Variants in CA13 observed in about 807,000 individuals in gnomAD.
CA13 encodes carbonic anhydrase 13, also known as CA-XIII.
In CA13, 21 loss-of-function variants were observed where a neutral mutation model predicts 31.5. The observed-to-expected ratio is 0.67, with a 90% CI of 0.47 to 0.96. The LOEUF is 0.96. CA13 is among the 40% of genes least tolerant of loss of function. The pLI, the probability that CA13 is intolerant of heterozygous loss-of-function variation, is 0.00. For synonymous variants in CA13, 117 were observed against 111.4 expected (o/e 1.05, Z -0.32); for missense variants, 315 against 318.9 (o/e 0.99, Z 0.09).
At chr8:85,247,461 G>T (rs747406996) in intron 1 of CA13, among the ~76,000 whole-genome samples, 1 of 152,160 alleles carries the variant, frequency 6.6e-6, no homozygotes, top group Non-Finnish European at 1.5e-5. Flanking sequence ...TCTTTTAGAT[G>T]CGATCTCTCT....
intron 6 of CA13, among the ~76,000 whole-genome samples, chr8:85,273,624 C>T (rs1167424593): frequency 6.6e-6 from 1 of 151,916 alleles, no homozygotes; most frequent in African/African-American, 2.4e-5. Context: ...ACACATACCC[C>T]CTGAAGACCG....
intron 2 of CA13, among the ~76,000 whole-genome samples, chr8:85,257,670 A>G (rs1264569775): frequency 1.3e-5 from 2 of 150,586 alleles, no homozygotes; most frequent in Non-Finnish European, 3.0e-5. Flanking sequence ...TTTGAGCCCC[A>G]CTGTACTCCA....
chr8:85,280,851 C>T (rs553014039), intron 6 of CA13, among the ~76,000 whole-genome samples: 1 of 152,190 alleles, frequency 6.6e-6, no homozygotes, highest in South Asian at 2.1e-4. Flanking sequence ...AATTAGGTTT[C>T]AAAACAGCAT....
At chr8:85,278,980 A>T (rs1259576653) in intron 6 of CA13, among the ~76,000 whole-genome samples, 1 of 152,236 alleles carries the variant, frequency 6.6e-6, no homozygotes, top group East Asian at 1.9e-4. Flanking sequence ...CTAGTCCATT[A>T]TGTTCCATAA....
intron 6 of CA13, among the ~76,000 whole-genome samples, chr8:85,274,362 CAG>C (rs1321002609): frequency 2.6e-5 from 4 of 152,208 alleles, no homozygotes; most frequent in African/African-American, 4.8e-5. Flanking sequence ...TGGGATAACA[CAG>C]GGGAGAAACA....
chr8:85,267,162 C>A, intron 4 of CA13: 2 of 718,396 alleles, frequency 2.8e-6, no homozygotes, highest in Non-Finnish European at 3.4e-6. Context: ...TTATTGTCAT[C>A]ATACCTGGGA....
chr8:85,257,925 C>A (rs1289350706), intron 2 of CA13, among the ~76,000 whole-genome samples: 2 of 148,096 alleles, frequency 1.4e-5, no homozygotes, highest in Non-Finnish European at 3.0e-5. Flanking sequence ...AACCACCACA[C>A]CCAGCCAAAA....
rs1413558800 is a variant in CA13 at position 85,245,767 on chromosome 8, C to T, written c.-62C>T. 3 of 1,594,116 alleles carry T rather than the reference C, an allele frequency of 1.9e-6. No homozygotes were observed. The highest frequency in any genetic ancestry group is 2.7e-5 in the African/African-American group (2 of 74,470). ...AGCAGGCTCCTTCCCGGGCCCCTCC[C>T]CGCTCCCTCCTCTTTCTCGCTGCTC... On this transcript the variant is annotated 5_prime_UTR_variant, in exon 1 of 7. Transcript: ENST00000321764.
At chr8:85,262,021 T>A (rs2129973999) in intron 3 of CA13, among the ~76,000 whole-genome samples, 1 of 1,256 alleles carries the variant, frequency 8.0e-4, no homozygotes, top group Admixed American at 0.01. Context: ...AATTATTTTT[T>A]ATAGAGACAG....
intron 6 of CA13, 137 bp from the exon 7 acceptor site, chr8:85,281,093 A>T (rs1807696993): frequency 9.6e-7 from 1 of 1,039,628 alleles, no homozygotes; most frequent in Non-Finnish European, 1.4e-6. Flanking sequence ...TTGCTTTATT[A>T]TATATGACAT....
chr8:85,269,556 T>C (rs964463001), intron 6 of CA13, among the ~76,000 whole-genome samples: 1 of 152,200 alleles, frequency 6.6e-6, no homozygotes, highest in African/African-American at 2.4e-5. Flanking sequence ...GAATTGTTGA[T>C]CTTTTGGCAT....
chr8:85,261,534 C>A (rs1160396673), intron 3 of CA13, among the ~76,000 whole-genome samples: 1 of 152,028 alleles, frequency 6.6e-6, no homozygotes, highest in African/African-American at 2.4e-5. Flanking sequence ...TCAAGTGCTT[C>A]TCCTGCCTCA....
chr8:85,255,259 A>G (rs1013605680), intron 2 of CA13, among the ~76,000 whole-genome samples: 4 of 148,818 alleles, frequency 2.7e-5, no homozygotes, highest in African/African-American at 1.0e-4. Flanking sequence ...TGCCTAGCTC[A>G]TGAATTTTTT....
In CA13 at chr8:85,245,463, C is replaced by A. The variant is rs1385753673; in HGVS notation, c.-366C>A. 8.4e-6 allele frequency: 2 copies of A among 236,834 alleles called. No individual in the cohort carries two copies. Among genetic ancestry groups the A allele is most frequent in the African/African-American group, 4.6e-5 (2 of 43,296 alleles). The allele number at this position is 236,834 out of a possible 1,614,324, so 14.7% of individuals were successfully genotyped here. A position where few individuals can be genotyped will look rare whatever the true frequency, so the allele number is the denominator to read the frequency against. The stretch of plus-strand genomic sequence containing the variant: ...GTTCCAGGCTCTGGTGACTCATTCA[C>A]TTCCTGGAAGTCCTCTAGGCAACAC... On this transcript the variant is annotated 5_prime_UTR_variant, in exon 1 of 7. Transcript: ENST00000321764.
chr8:85,260,253 A>G (rs754856352), intron 3 of CA13, among the ~76,000 whole-genome samples: 4 of 152,234 alleles, frequency 2.6e-5, no homozygotes, highest in Non-Finnish European at 5.9e-5. Flanking sequence ...GTTAAAGAAC[A>G]AAGCATAATA....
In CA13 at chr8:85,255,110, T is replaced by TTC. The variant is rs767277699; in HGVS notation, c.235+4186_235+4187dup. On this transcript the variant is annotated intron_variant, in intron 2 of 6. Coordinates refer to ENST00000321764, the MANE Select transcript of CA13 (RefSeq NM_198584.3). ...TTCCCTTCCTTCCTCCTCCTTCTTC[T>TTC]TCTCTCTCTCTCTCATTCTTTCTTT... Among the ~76,000 whole-genome samples the TTC allele has an allele frequency of 3.3e-5, 5 of 151,260 alleles. No individual in the cohort carries two copies. In the East Asian group the frequency reaches 5.8e-4, roughly 18 times the overall value.
chr8:85,245,649 A>G lies in CA13; in HGVS notation c.-180A>G. Reference sequence around the variant, plus strand: ...CCAGCGGCGCGGGCGCCTTCCCCGCACGCCTCTGCCGTCTGGAGGACGCAG... The same window carrying G: ...CCAGCGGCGCGGGCGCCTTCCCCGCGCGCCTCTGCCGTCTGGAGGACGCAG... On this transcript the variant is annotated 5_prime_UTR_variant, in exon 1 of 7. Transcript: ENST00000321764. 3.1e-6 allele frequency: 2 copies of G among 652,396 alleles called. No homozygotes were observed. Among genetic ancestry groups the G allele is most frequent in the Non-Finnish European group, 5.3e-6 (2 of 377,114 alleles). 40.4% of individuals were successfully genotyped at this position (652,396 alleles called of 1,614,324 possible). A position where few individuals can be genotyped will look rare whatever the true frequency, so the allele number is the denominator to read the frequency against.
intron 6 of CA13, among the ~76,000 whole-genome samples, chr8:85,277,872 C>A (rs1371538713): frequency 6.6e-6 from 1 of 152,184 alleles, no homozygotes. Flanking sequence ...GTCTCCCAGC[C>A]AGCTCTCTTC....
In CA13 at chr8:85,283,539, T is replaced by G. The variant is rs1158349747; in HGVS notation, c.*2190T>G. 1 of 152,648 alleles carries G rather than the reference T, an allele frequency of 6.6e-6. No individual in the cohort carries two copies. The highest frequency in any genetic ancestry group is 1.5e-5 in the Non-Finnish European group (1 of 68,034). 9.5% of individuals were successfully genotyped at this position (152,648 alleles called of 1,614,324 possible). On this transcript the variant is annotated 3_prime_UTR_variant, in exon 7 of 7. Coordinates refer to ENST00000321764, the MANE Select transcript of CA13 (RefSeq NM_198584.3). ...AAAATACATTGTCTTTTGAAAATAG[T>G]TTCTTTTTAAAGGAATACTAATTAA...
Sources: allele counts gnomAD v4.1 joint callset (sites outside exome capture counted in the v4.1 genomes callset), GRCh38; gene constraint gnomAD v4.1.1; transcripts MANE v1.5; gene names NCBI Gene and HGNC (gene_info 2026-07-23, HGNC 2026-07-21).